The following LGSN variants were observed in gnomAD, a reference collection of about 807,000 sequenced individuals.
LGSN encodes the protein lengsin, lens protein with glutamine synthetase domain.
In LGSN, 21 loss-of-function variants were observed where a neutral mutation model predicts 19.5. The observed-to-expected ratio is 1.07, with a 90% CI of 0.76 to 1.55. LGSN has a LOEUF of 1.55. LGSN is among the 40% of genes most tolerant of loss of function. The pLI is 0.00. For synonymous variants in LGSN, 257 were observed against 215.6 expected (o/e 1.19, Z -1.68); for missense variants, 673 against 608.5 (o/e 1.11, Z -1.12).
chr6:63,294,798 T>G, intron 2 of LGSN, 115 bp downstream of exon 2: 1 of 1,033,990 alleles, frequency 9.7e-7, no homozygotes, highest in Non-Finnish European at 1.5e-6. Context: ...GGAATAACTT[T>G]TATTTGTCCT....
the LGSN span, among the ~76,000 whole-genome samples, chr6:63,533,052 A>G: frequency 6.6e-6 from 1 of 152,190 alleles, no homozygotes; most frequent in Non-Finnish European, 1.5e-5. Flanking sequence ...ATCTATAAGC[A>G]TTCATTTTCT....
At chr6:63,328,791 A>G in the LGSN span, among the ~76,000 whole-genome samples, 1 of 152,220 alleles carries the variant, frequency 6.6e-6, no homozygotes, top group Non-Finnish European at 1.5e-5. Context: ...TCTGGTTCCC[A>G]TTCTACTAGA....
the LGSN span, among the ~76,000 whole-genome samples, chr6:63,452,683 C>T: frequency 1.3e-5 from 2 of 151,740 alleles, no homozygotes; most frequent in Non-Finnish European, 2.9e-5. Flanking sequence ...CTCTGTCTCT[C>T]TCTTTTCTGT....
chr6:63,557,922 C>A, the LGSN span, among the ~76,000 whole-genome samples: 1 of 150,914 alleles, frequency 6.6e-6, no homozygotes. Flanking sequence ...CGGAGTCTTG[C>A]TCTGTCACCC....
At chr6:63,511,246 CTT>C in the LGSN span, among the ~76,000 whole-genome samples, 35 of 131,462 alleles carry the variant, frequency 2.7e-4, no homozygotes, top group African/African-American at 7.5e-4. Context: ...AAATAGATTT[CTT>C]TTTTTTTTTT....
At chr6:63,476,098 TG>T in the LGSN span, among the ~76,000 whole-genome samples, 1 of 152,214 alleles carries the variant, frequency 6.6e-6, no homozygotes, top group Non-Finnish European at 1.5e-5. Context: ...TTTTGTTTTT[TG>T]GTTTTTTTTA....
At chr6:63,301,548 C>T (rs1044337304) in intron 1 of LGSN, among the ~76,000 whole-genome samples, 4 of 151,978 alleles carry the variant, frequency 2.6e-5, no homozygotes, top group Non-Finnish European at 5.9e-5. Context: ...TGTTCAAAAG[C>T]TGATTGAAGG....
chr6:63,297,261 A>G (rs889261653), intron 1 of LGSN, among the ~76,000 whole-genome samples: 3 of 150,492 alleles, frequency 2.0e-5, no homozygotes, highest in Non-Finnish European at 4.4e-5. Context: ...AATTGCTTGA[A>G]CCCAAGAGGC....
chr6:63,406,699 G>C, the LGSN span, among the ~76,000 whole-genome samples: 1 of 151,962 alleles, frequency 6.6e-6, no homozygotes, highest in Non-Finnish European at 1.5e-5. Context: ...GAAGGAAATA[G>C]AGACACAAAA....
the LGSN span, among the ~76,000 whole-genome samples, chr6:63,328,230 T>C: frequency 8.5e-5 from 13 of 152,078 alleles, no homozygotes; most frequent in Non-Finnish European, 1.8e-4. Flanking sequence ...GAACTTCCAT[T>C]GGTATATAGG....
At chr6:63,287,324 A>G (rs76367953) in intron 2 of LGSN, among the ~76,000 whole-genome samples, 5,677 of 152,262 alleles carry the variant, frequency 0.037, 353 homozygotes, top group African/African-American at 0.13. Context: ...TGTATTCCCA[A>G]CCTACACTGA....
the LGSN span, among the ~76,000 whole-genome samples, chr6:63,365,940 A>AAAAT: frequency 6.6e-6 from 1 of 152,242 alleles, no homozygotes; most frequent in Admixed American, 6.5e-5. Flanking sequence ...GATGTATCTC[A>AAAAT]AAATAATAAG....
At chr6:63,385,721 T>C in the LGSN span, among the ~76,000 whole-genome samples, 10 of 152,202 alleles carry the variant, frequency 6.6e-5, no homozygotes, top group African/African-American at 2.2e-4. Flanking sequence ...TAGTTTCTCT[T>C]AGGTGGGAAT....
At chr6:63,283,178 T>C (rs865950127) in intron 3 of LGSN, among the ~76,000 whole-genome samples, 2 of 152,148 alleles carry the variant, frequency 1.3e-5, no homozygotes, top group African/African-American at 2.4e-5. Context: ...GCTTTATTCT[T>C]TTCTTGGACA....
chr6:63,547,442 G>A, the LGSN span, among the ~76,000 whole-genome samples: 11 of 150,658 alleles, frequency 7.3e-5, no homozygotes, highest in South Asian at 2.1e-4. Flanking sequence ...AATCTGCCTC[G>A]GCCTCCCAAA....
chr6:63,388,058 T>C, the LGSN span, among the ~76,000 whole-genome samples: 3 of 150,322 alleles, frequency 2.0e-5, no homozygotes, highest in Non-Finnish European at 4.4e-5. Flanking sequence ...TTTTTTTTAG[T>C]AGAGATGCGG....
At chr6:63,380,878 CAG>C in the LGSN span, among the ~76,000 whole-genome samples, 2 of 151,804 alleles carry the variant, frequency 1.3e-5, no homozygotes, top group Non-Finnish European at 2.9e-5. Flanking sequence ...AATTTTTTTT[CAG>C]TTAAGAGACA....
the LGSN span, among the ~76,000 whole-genome samples, chr6:63,407,614 C>T: frequency 3.7e-4 from 57 of 152,138 alleles, no homozygotes; most frequent in Admixed American, 1.7e-3. Context: ...CTTTGAAAAC[C>T]GGCACAAGAC....
chr6:63,488,377 C>G, the LGSN span, among the ~76,000 whole-genome samples: 1 of 152,158 alleles, frequency 6.6e-6, no homozygotes, highest in Non-Finnish European at 1.5e-5. Context: ...CAGCATCCCA[C>G]AGGTAGTAAG....
Sources: gnomAD v4.1 joint callset for allele counts (sites outside exome capture counted in the v4.1 genomes callset) on GRCh38, gnomAD v4.1.1 for gene constraint, MANE v1.5 for transcripts, NCBI Gene and HGNC (gene_info 2026-07-23, HGNC 2026-07-21) for gene names.